PLXNA4: variants seen among roughly 807,000 people sequenced by gnomAD.
PLXNA4 encodes the protein plexin-A4.
Under a neutral mutation model 191.8 loss-of-function variants are expected in PLXNA4, and 44 were observed. The ratio of observed to expected loss-of-function variants is 0.23; its 90% CI spans 0.18 to 0.29. The LOEUF (loss-of-function observed/expected upper bound fraction) is 0.29, where lower values mean the gene tolerates loss of function less well. PLXNA4 is among the 10% of genes least tolerant of loss of function. The pLI is 1.00. For missense variants in PLXNA4, 1,800 were observed against 2,488.8 expected, an observed-to-expected ratio of 0.72 and a Z score of 5.89; for synonymous variants, 1,082 against 1,009.5, an observed-to-expected ratio of 1.07 and a Z score of -1.36.
intron 2 of PLXNA4, among the ~76,000 whole-genome samples, chr7:132,594,742 T>C (rs569793012): frequency 6.6e-6 from 1 of 152,248 alleles, no homozygotes; most frequent in Non-Finnish European, 1.5e-5. Context: ...GCTGCGTGGA[T>C]AGGCTGATCC....
chr7:132,361,606 A>G (rs1391152095), intron 3 of PLXNA4, among the ~76,000 whole-genome samples: 1 of 152,192 alleles, frequency 6.6e-6, no homozygotes, highest in East Asian at 1.9e-4. Context: ...AAAATAAAAA[A>G]TGTGGAGAGT....
At chr7:132,331,627 AATAATAACC>A (rs1267335642) in intron 3 of PLXNA4, among the ~76,000 whole-genome samples, 1 of 152,204 alleles carries the variant, frequency 6.6e-6, no homozygotes, top group Non-Finnish European at 1.5e-5. Flanking sequence ...CATTGCATGT[AATAATAACC>A]TCAAAGTGCA....
intron 4 of PLXNA4, among the ~76,000 whole-genome samples, chr7:132,252,414 C>A (rs983598142): frequency 1.4e-5 from 2 of 141,134 alleles, no homozygotes; most frequent in African/African-American, 5.3e-5. Context: ...TGGGTTCAAG[C>A]GATTCTCCTG....
chr7:132,563,480 GCTC>G (rs149521377), intron 1 of PLXNA4, among the ~76,000 whole-genome samples: 427 of 19,846 alleles, frequency 0.022, 17 homozygotes, highest in African/African-American at 0.074. Context: ...TCCTTCTGCT[GCTC>G]CTCCTCCTCC....
intron 21 of PLXNA4, among the ~76,000 whole-genome samples, chr7:132,172,768 A>ATAATAAT (rs1554378631): frequency 1.3e-5 from 2 of 151,378 alleles, no homozygotes; most frequent in Admixed American, 6.6e-5. Flanking sequence ...TATAATAATA[A>ATAATAAT]TAATAATAAT....
intron 30 of PLXNA4, among the ~76,000 whole-genome samples, chr7:132,134,641 T>A (rs924638477): frequency 6.6e-6 from 1 of 152,214 alleles, no homozygotes; most frequent in Admixed American, 6.5e-5. Context: ...CTTTCTCAAC[T>A]GTTTTGCTGA....
At chr7:132,484,232 A>G (rs1436171616) in intron 3 of PLXNA4, among the ~76,000 whole-genome samples, 1 of 152,254 alleles carries the variant, frequency 6.6e-6, no homozygotes, top group African/African-American at 2.4e-5. Flanking sequence ...AGGAAGGCCC[A>G]TGAGAAGTGG....
chr7:132,537,623 G>A (rs777029741), intron 1 of PLXNA4, among the ~76,000 whole-genome samples: 2 of 152,192 alleles, frequency 1.3e-5, no homozygotes, highest in Middle Eastern at 3.2e-3. Flanking sequence ...GACCAGACCC[G>A]GAAGAGGGTG....
intron 3 of PLXNA4, among the ~76,000 whole-genome samples, chr7:132,480,711 C>T (rs1327562367): frequency 6.6e-6 from 1 of 152,226 alleles, no homozygotes; most frequent in African/African-American, 2.4e-5. Context: ...AAAAGCACAG[C>T]TCGGCTGCCT....
chr7:132,168,610 G>T, intron 21 of PLXNA4, 38 bp from the exon 22 acceptor site: 1 of 1,531,882 alleles, frequency 6.5e-7, no homozygotes, highest in South Asian at 1.3e-5. Context: ...CCATTGGCAG[G>T]TTGGGGAGCT....
chr7:132,552,043 G>A (rs779002677), intron 1 of PLXNA4, among the ~76,000 whole-genome samples: 4 of 152,162 alleles, frequency 2.6e-5, no homozygotes, highest in Non-Finnish European at 4.4e-5. Flanking sequence ...TGCTGAGGAG[G>A]GACATGTAAA....
intron 2 of PLXNA4, among the ~76,000 whole-genome samples, chr7:132,595,763 T>A (rs1802699014): frequency 6.6e-6 from 1 of 152,150 alleles, no homozygotes; most frequent in South Asian, 2.1e-4. Flanking sequence ...TTGCTTCAAA[T>A]GTATATAAAC....
At chr7:132,376,618 G>A (rs1450289729) in intron 3 of PLXNA4, among the ~76,000 whole-genome samples, 1 of 152,222 alleles carries the variant, frequency 6.6e-6, no homozygotes, top group African/African-American at 2.4e-5. Context: ...TTTCTCAGGA[G>A]CCCTGATCAA....
intron 2 of PLXNA4, among the ~76,000 whole-genome samples, chr7:132,633,385 C>G (rs1303311113): frequency 6.6e-6 from 1 of 151,774 alleles, no homozygotes; most frequent in Non-Finnish European, 1.5e-5. Context: ...CAAGTTCAAG[C>G]GATTCCCCTG....
At chr7:132,517,351 G>T (rs151204208) in intron 1 of PLXNA4, among the ~76,000 whole-genome samples, 2,819 of 152,166 alleles carry the variant, frequency 0.019, 44 homozygotes, top group Middle Eastern at 0.031. Flanking sequence ...TTTTCTCTAC[G>T]GTTTCTTTCA....
Position 132,173,189 on chromosome 7 carries a change from G to A in PLXNA4, c.4017+1589C>T, listed in dbSNP as rs530114122. On this transcript the variant is annotated intron_variant, in intron 21 of 31. Transcript: ENST00000321063. ...AACAGGAATTTGTATACTCTCCAGG[G>A]CCCTAAGAGAATCCTGGTAATTTGA... Among the ~76,000 whole-genome samples, 3 of 152,224 alleles carry A rather than the reference G, an allele frequency of 2.0e-5. No homozygotes were observed. The East Asian group carries it at 5.8e-4, about 29-fold the overall frequency.
chr7:132,563,697 TCTCCTC>T (rs1263532518), intron 1 of PLXNA4, among the ~76,000 whole-genome samples: 4 of 28,746 alleles, frequency 1.4e-4, no homozygotes, highest in Admixed American at 3.7e-4. Flanking sequence ...TCCTCCTCCT[TCTCCTC>T]CTCCTCCTTC....
chr7:132,175,075 C>T (rs1255563394), intron 20 of PLXNA4, among the ~76,000 whole-genome samples, 155 bp from the exon 21 acceptor site: 1 of 152,138 alleles, frequency 6.6e-6, no homozygotes, highest in Non-Finnish European at 1.5e-5. Flanking sequence ...GTTTACATAG[C>T]TGGGATTGGG....
At chr7:132,240,211 T>C (rs1435899387) in intron 5 of PLXNA4, among the ~76,000 whole-genome samples, 1 of 152,222 alleles carries the variant, frequency 6.6e-6, no homozygotes, top group Admixed American at 6.5e-5. Context: ...CAACAATAGC[T>C]GGACTGGAAT....
Sources: allele counts gnomAD v4.1 joint callset (sites outside exome capture counted in the v4.1 genomes callset), GRCh38; gene constraint gnomAD v4.1.1; transcripts MANE v1.5; gene names NCBI Gene and HGNC (gene_info 2026-07-23, HGNC 2026-07-21).